CNTN5: variants seen among roughly 807,000 people sequenced by gnomAD.
The protein encoded by CNTN5 is contactin 5, also known as contactin-5.
In CNTN5, 77 loss-of-function variants were observed where a neutral mutation model predicts 129.1. The ratio of observed to expected loss-of-function variants is 0.60; its 90% confidence interval spans 0.50 to 0.72. The LOEUF (loss-of-function observed/expected upper bound fraction) is 0.72. Ranked by LOEUF, CNTN5 falls within the 30% of genes least tolerant of loss-of-function variation. The pLI is 0.00. For synonymous variants in CNTN5, 509 were observed against 465.6 expected, an observed-to-expected ratio of 1.09 and a Z score of -1.20; for missense variants, 1,478 against 1,328.8, an observed-to-expected ratio of 1.11 and a Z score of -1.75.
At chr11:99,579,112 G>C (rs879772479) in intron 3 of CNTN5, among the ~76,000 whole-genome samples, 39 of 152,164 alleles carry the variant, frequency 2.6e-4, no homozygotes, top group Non-Finnish European at 3.4e-4. Context: ...GCTTGTTTTT[G>C]TCAGGTTTGT....
intron 1 of CNTN5, among the ~76,000 whole-genome samples, chr11:99,314,560 C>T (rs1591510274): frequency 6.6e-6 from 1 of 152,140 alleles, no homozygotes; most frequent in East Asian, 1.9e-4. Context: ...GAAAAGGCAT[C>T]TTTCTATGGA....
chr11:99,822,487 AATATG>A (rs1203564790), intron 4 of CNTN5, among the ~76,000 whole-genome samples: 16 of 152,220 alleles, frequency 1.1e-4, no homozygotes, highest in African/African-American at 3.9e-4. Context: ...TATTATATAT[AATATG>A]ATATCACTTA....
At chr11:100,034,883 T>TA (rs150215471) in intron 9 of CNTN5, among the ~76,000 whole-genome samples, 4,903 of 152,286 alleles carry the variant, frequency 0.032, 125 homozygotes, top group African/African-American at 0.077. Context: ...TAGTACTTCA[T>TA]ACTTACCCTT....
chr11:100,190,362 G>T (rs1948442436), intron 13 of CNTN5, among the ~76,000 whole-genome samples: 1 of 152,030 alleles, frequency 6.6e-6, no homozygotes, highest in Non-Finnish European at 1.5e-5. Context: ...GGGAGAAAAG[G>T]ACAAAAGTAC....
intron 2 of CNTN5, among the ~76,000 whole-genome samples, chr11:99,497,810 A>T (rs1426331347): frequency 1.3e-5 from 2 of 152,164 alleles, no homozygotes; most frequent in African/African-American, 4.8e-5. Context: ...ATGGGGACAT[A>T]CTAGGAATCA....
intron 7 of CNTN5, among the ~76,000 whole-genome samples, chr11:99,937,886 G>GTAGAAGTT (rs780841206): frequency 6.6e-6 from 1 of 152,172 alleles, no homozygotes; most frequent in Non-Finnish European, 1.5e-5. Context: ...TCAGTAAACT[G>GTAGAAGTT]TAGAAGTTTA....
At chr11:99,712,351 T>G (rs1183448397) in intron 3 of CNTN5, among the ~76,000 whole-genome samples, 1 of 152,124 alleles carries the variant, frequency 6.6e-6, no homozygotes, top group Non-Finnish European at 1.5e-5. Flanking sequence ...TAAATTTGAT[T>G]AAGTTCTTTG....
chr11:99,798,831 T>C (rs1946028741), intron 3 of CNTN5, among the ~76,000 whole-genome samples: 1 of 152,190 alleles, frequency 6.6e-6, no homozygotes, highest in Admixed American at 6.5e-5. Context: ...AGGAATAGCA[T>C]TGAATTTGCA....
chr11:100,329,173 T>C (rs1406037780), intron 21 of CNTN5, among the ~76,000 whole-genome samples: 2 of 152,114 alleles, frequency 1.3e-5, no homozygotes, highest in African/African-American at 4.8e-5. Flanking sequence ...CCTACTTCCC[T>C]GGTGACCTGT....
intron 1 of CNTN5, among the ~76,000 whole-genome samples, chr11:99,135,174 G>C (rs1481421926): frequency 6.6e-6 from 1 of 152,150 alleles, no homozygotes; most frequent in Non-Finnish European, 1.5e-5. Flanking sequence ...AAGGTACATA[G>C]TCTCTTCATT....
chr11:99,863,414 C>T (rs539995093), intron 6 of CNTN5, among the ~76,000 whole-genome samples: 2 of 151,878 alleles, frequency 1.3e-5, no homozygotes, highest in Admixed American at 6.6e-5. Context: ...AAAGGAGCAA[C>T]ATTTGTCAAT....
intron 13 of CNTN5, among the ~76,000 whole-genome samples, chr11:100,108,342 A>G (rs1325297253): frequency 6.6e-6 from 1 of 152,104 alleles, no homozygotes; most frequent in African/African-American, 2.4e-5. Context: ...GGCTACATGG[A>G]AGTGGAAAGA....
chr11:99,796,301 C>T (rs868593894), intron 3 of CNTN5, among the ~76,000 whole-genome samples: 16 of 152,056 alleles, frequency 1.1e-4, no homozygotes, highest in African/African-American at 3.1e-4. Flanking sequence ...GTGCTCCAGC[C>T]GGCACTCATA....
At chr11:100,219,217 A>G (rs1340260415) in intron 15 of CNTN5, among the ~76,000 whole-genome samples, 6 of 152,216 alleles carry the variant, frequency 3.9e-5, no homozygotes, top group African/African-American at 1.4e-4. Flanking sequence ...GCTGAATTAG[A>G]CAGGAAACTC....
intron 9 of CNTN5, among the ~76,000 whole-genome samples, chr11:100,009,961 T>G (rs1003378990): frequency 4.6e-5 from 7 of 152,150 alleles, no homozygotes; most frequent in African/African-American, 1.4e-4. Context: ...GTAGAAATGA[T>G]GAGTGTTGAC....
intron 6 of CNTN5, among the ~76,000 whole-genome samples, chr11:99,847,849 T>C (rs560209135): frequency 2.9e-4 from 44 of 151,692 alleles, no homozygotes; most frequent in African/African-American, 1.1e-3. Flanking sequence ...AGGTAGGAAG[T>C]TGGGGAGAAA....
rs201011272 is a variant in CNTN5, at chr11:100,070,440, A to G, written c.1179A>G (p.Val393=). 1 of 1,612,206 alleles carries G rather than the reference A, an allele frequency of 6.2e-7. No individual in the cohort carries two copies. The highest frequency in any genetic ancestry group is 8.5e-7 in the Non-Finnish European group (1 of 1,178,998). ...QLQVYTYPHW[V]EKLNDTQLDS... is the part of the protein sequence containing the mutation. Reference sequence around the variant, plus strand: ...TACTTACAGCCTACCCACACTGGGTAGAAAAACTGAATGATACTCAGTTAG... The same window carrying G: ...TACTTACAGCCTACCCACACTGGGTGGAAAAACTGAATGATACTCAGTTAG... Residue 393 remains valine, a synonymous_variant, in exon 11 of 25, where the codon GTA becomes GTG. Coordinates refer to ENST00000524871, the MANE Select transcript of CNTN5 (RefSeq NM_014361.4).
rs537219774 is a variant in CNTN5, at chr11:100,003,010, G to A, written c.980+874G>A. 3.3e-5 allele frequency among the ~76,000 whole-genome samples: 5 copies of A among 152,162 alleles called. No individual in the cohort carries two copies. The East Asian group carries it at 9.7e-4, about 29-fold the overall frequency. On this transcript the variant is annotated intron_variant, in intron 9 of 24. Transcript: ENST00000524871. Reference sequence around the variant, plus strand: ...CGGAGATAAAGCCAGATACACAAGTGTGATTATTAAAGTAGGTTTAGCCTT... The same window carrying A: ...CGGAGATAAAGCCAGATACACAAGTATGATTATTAAAGTAGGTTTAGCCTT...
intron 18 of CNTN5, among the ~76,000 whole-genome samples, chr11:100,278,281 T>A (rs1950559395): frequency 6.6e-6 from 1 of 152,036 alleles, no homozygotes; most frequent in African/African-American, 2.4e-5. Flanking sequence ...TTAGGATAGT[T>A]TTGGCTATTC....
Sources: gnomAD v4.1 joint callset for allele counts (sites outside exome capture counted in the v4.1 genomes callset) on GRCh38, gnomAD v4.1.1 for gene constraint, MANE v1.5 for transcripts, NCBI Gene and HGNC (gene_info 2026-07-23, HGNC 2026-07-21) for gene names.